Variants in TENM4 observed in about 807,000 individuals in gnomAD.
TENM4 encodes the protein teneurin-4.
In TENM4, 82 loss-of-function variants were observed where a neutral mutation model predicts 243.3. The ratio of observed to expected loss-of-function variants is 0.34; its 90% CI spans 0.28 to 0.40. The LOEUF (loss-of-function observed/expected upper bound fraction) is 0.40. Ranked by LOEUF, TENM4 falls within the 10% of genes least tolerant of loss-of-function variation. TENM4 has a pLI of 1.00. For synonymous variants in TENM4, 1,412 were observed against 1,456.3 expected (o/e 0.97, Z 0.69); for missense variants, 3,138 against 3,673.3 (o/e 0.85, Z 3.77).
chr11:79,239,841 G>A (rs1393027883), intron 2 of TENM4, among the ~76,000 whole-genome samples: 1 of 152,124 alleles, frequency 6.6e-6, no homozygotes, highest in African/African-American at 2.4e-5. Flanking sequence ...ATAAAAGATA[G>A]GAAAGACCAC....
At chr11:79,108,987 C>T (rs7126189) in intron 4 of TENM4, among the ~76,000 whole-genome samples, 4,364 of 152,244 alleles carry the variant, frequency 0.029, 90 homozygotes, top group Non-Finnish European at 0.045. Context: ...TTCTCTCTGC[C>T]GCCCAGAAGG....
intron 6 of TENM4, among the ~76,000 whole-genome samples, chr11:78,907,625 C>T (rs560557305): frequency 3.9e-5 from 6 of 152,156 alleles, no homozygotes; most frequent in Non-Finnish European, 7.3e-5. Context: ...CTACTAAGCC[C>T]TGAGGGAAAG....
chr11:79,044,601 G>A (rs938139313), intron 6 of TENM4, among the ~76,000 whole-genome samples: 1 of 152,204 alleles, frequency 6.6e-6, no homozygotes, highest in Non-Finnish European at 1.5e-5. Flanking sequence ...TATTATGGAG[G>A]AAACACATCG....
intron 5 of TENM4, among the ~76,000 whole-genome samples, chr11:79,066,665 C>T (rs1032021086): frequency 2.0e-5 from 3 of 151,616 alleles, no homozygotes; most frequent in African/African-American, 7.3e-5. Context: ...TGCAAACATG[C>T]ACATGCACAC....
At chr11:78,757,490 C>T (rs1856338304) in intron 18 of TENM4, among the ~76,000 whole-genome samples, 3 of 152,196 alleles carry the variant, frequency 2.0e-5, no homozygotes, top group African/African-American at 7.2e-5. Context: ...GGCTTTTAAG[C>T]AGGAGGTGAC....
rs182885845 is a variant in TENM4 at position 78,773,108 on chromosome 11, G to A, written c.2393-1970C>T. Among the ~76,000 whole-genome samples, 310 of 152,274 alleles carry A rather than the reference G, an allele frequency of 2.0e-3. 1 individual carries two copies. Among genetic ancestry groups the A allele is most frequent in the Admixed American group, 5.5e-3 (84 of 15,286 alleles). On this transcript the variant is annotated intron_variant, in intron 17 of 33. Coordinates refer to ENST00000278550, the MANE Select transcript of TENM4 (RefSeq NM_001098816.3). ...CATGTCAATTTTTGTCCGTCCAGCCGGGACTTGTTTTCAATTAAGCCTGGT... is the reference window on the plus strand; with the variant it reads ...CATGTCAATTTTTGTCCGTCCAGCCAGGACTTGTTTTCAATTAAGCCTGGT...
Position 79,385,893 on chromosome 11 carries a change from A to C in TENM4, c.-321+54616T>G, listed in dbSNP as rs1200965170. Reference sequence around the variant, plus strand: ...CACACACCTGCACCCTCCAAACCCCACTTGCCATTTGAGACTTTGAGTACC... The same window carrying C: ...CACACACCTGCACCCTCCAAACCCCCCTTGCCATTTGAGACTTTGAGTACC... On this transcript the variant is annotated intron_variant, in intron 1 of 33. Transcript: ENST00000278550. 2.0e-5 allele frequency among the ~76,000 whole-genome samples: 3 copies of C among 152,040 alleles called. No individual in the cohort carries two copies. In the East Asian group the frequency reaches 5.8e-4, roughly 29 times the overall value.
At position 79,192,142 on chromosome 11, in the gene TENM4, T is replaced by TGG. The variant is rs543858101; in HGVS notation, c.-163+23664_-163+23665dup. On this transcript the variant is annotated intron_variant, in intron 3 of 33. Coordinates refer to ENST00000278550, the MANE Select transcript of TENM4 (RefSeq NM_001098816.3). ...CCAGCCGCCCCGTCCGGGAGGGAGG[T>TGG]GGGGGGGTCAGCCCCCTGCCCGGCC... Among the ~76,000 whole-genome samples, 2 of 114,430 alleles carry TGG rather than the reference T, an allele frequency of 1.7e-5. 1 individual carries two copies. Among genetic ancestry groups the TGG allele is most frequent in the South Asian group, 5.8e-4 (2 of 3,472 alleles). The allele number at this position is 114,430 out of a possible 152,430, so 75.1% of individuals were successfully genotyped here. A position where few individuals can be genotyped will look rare whatever the true frequency, so the allele number is the denominator to read the frequency against.
At chr11:79,370,224 C>A (rs1007067430) in intron 1 of TENM4, among the ~76,000 whole-genome samples, 4 of 152,212 alleles carry the variant, frequency 2.6e-5, no homozygotes, top group Non-Finnish European at 4.4e-5. Context: ...TTCACATGGG[C>A]CCCCTACGAC....
At chr11:78,783,855 T>G (rs1430922217) in intron 16 of TENM4, among the ~76,000 whole-genome samples, 1 of 152,214 alleles carries the variant, frequency 6.6e-6, no homozygotes, top group Non-Finnish European at 1.5e-5. Context: ...TATAATAATC[T>G]GCTCTGGGAA....
chr11:79,313,647 T>C (rs1856756637), intron 1 of TENM4, among the ~76,000 whole-genome samples: 1 of 152,200 alleles, frequency 6.6e-6, no homozygotes. Flanking sequence ...TCTCCAAGTG[T>C]GTTGGGTCCC....
chr11:79,164,632 CAACTT>C (rs1862869097), intron 3 of TENM4, among the ~76,000 whole-genome samples: 1 of 145,358 alleles, frequency 6.9e-6, no homozygotes, highest in Non-Finnish European at 1.5e-5. Flanking sequence ...ACCCAAATCT[CAACTT>C]GACTTGTATC....
At chr11:79,268,811 G>A (rs1855922097) in intron 2 of TENM4, among the ~76,000 whole-genome samples, 1 of 152,162 alleles carries the variant, frequency 6.6e-6, no homozygotes, top group Non-Finnish European at 1.5e-5. Context: ...TTCATTGCTT[G>A]AAATGTCCAC....
intron 19 of TENM4, among the ~76,000 whole-genome samples, chr11:78,740,280 G>A (rs1397630114): frequency 6.6e-6 from 1 of 152,148 alleles, no homozygotes; most frequent in Non-Finnish European, 1.5e-5. Flanking sequence ...CCAGGCTTGT[G>A]AAGCAGCTGG....
At chr11:78,909,947 G>A (rs1049234018) in intron 6 of TENM4, among the ~76,000 whole-genome samples, 13 of 152,176 alleles carry the variant, frequency 8.5e-5, no homozygotes, top group African/African-American at 2.7e-4. Context: ...TGGTGGCCAC[G>A]TGGAGGATGA....
chr11:78,732,624 AG>A (rs1396036335), intron 20 of TENM4, 47 bp from the exon 21 acceptor site: 1 of 1,538,664 alleles, frequency 6.5e-7, no homozygotes, highest in East Asian at 2.3e-5. Flanking sequence ...CAGGAAGAGC[AG>A]GAACCAGGAT....
At position 78,669,821 on chromosome 11, in the gene TENM4, C is replaced by CA; in HGVS notation, c.6523_6524insT (p.Arg2175LeufsTer21). 6.2e-7 allele frequency: 1 copy of CA among 1,613,912 alleles called. No homozygotes were observed. The highest frequency in any genetic ancestry group is 8.5e-7 in the Non-Finnish European group (1 of 1,179,854). ...TACCTTCAGCTCCTTCTTCACTACT[C>CA]GCCCCATGTTATCATACTGGACGGT... On this transcript the variant is annotated frameshift_variant, in exon 32 of 34. Coordinates refer to ENST00000278550, the MANE Select transcript of TENM4 (RefSeq NM_001098816.3). LOFTEE classifies it high-confidence loss of function. This position sits in a 1 kb window ranked among gnomAD's most constrained non-coding sequence, Gnocchi z 6.4.
chr11:79,095,513 G>T (rs1861057046), intron 4 of TENM4, among the ~76,000 whole-genome samples: 1 of 152,196 alleles, frequency 6.6e-6, no homozygotes, highest in Non-Finnish European at 1.5e-5. Flanking sequence ...TATCTGCCCT[G>T]GGAAGTTTAT....
At chr11:78,901,270 T>A (rs1012152284) in intron 7 of TENM4, among the ~76,000 whole-genome samples, 5 of 152,212 alleles carry the variant, frequency 3.3e-5, no homozygotes, top group Non-Finnish European at 7.3e-5. Context: ...ATGGTTACTT[T>A]TGGTGACAAA....
Sources: gnomAD v4.1 joint callset for allele counts (sites outside exome capture counted in the v4.1 genomes callset) on GRCh38, gnomAD v4.1.1 for gene constraint, Gnocchi (gnomAD v3.1) non-coding constraint, MANE v1.5 for transcripts, NCBI Gene and HGNC (gene_info 2026-07-23, HGNC 2026-07-21) for gene names.